Variants in MICAL3 observed in about 807,000 individuals in gnomAD.
MICAL3 encodes the protein [F-actin]-monooxygenase MICAL3.
MICAL3 carries 62 observed loss-of-function variants against 207.4 expected under a neutral mutation model. That is an observed-to-expected ratio of 0.30 (90% CI 0.24 to 0.37). MICAL3 has a LOEUF of 0.37. Ranked by LOEUF, MICAL3 falls within the 10% of genes least tolerant of loss-of-function variation. The pLI is 1.00. For missense variants in MICAL3, 2,368 were observed against 2,635.6 expected (o/e 0.90, Z 2.22); for synonymous variants, 1,077 against 1,069.3 (o/e 1.01, Z -0.14).
At chr22:17,982,479 T>A (rs1935958389) in intron 1 of MICAL3, among the ~76,000 whole-genome samples, 1 of 152,180 alleles carries the variant, frequency 6.6e-6, no homozygotes, top group South Asian at 2.1e-4. Flanking sequence ...AAGACCAGCC[T>A]GGCCAAGATG....
At chr22:17,835,208 C>T (rs1217603140) in intron 20 of MICAL3, among the ~76,000 whole-genome samples, 1 of 151,256 alleles carries the variant, frequency 6.6e-6, no homozygotes, top group East Asian at 1.9e-4. Context: ...CAGAAAGCAA[C>T]CCTCACCTCC....
intron 19 of MICAL3, among the ~76,000 whole-genome samples, chr22:17,857,311 C>T (rs1926037194): frequency 6.6e-6 from 1 of 152,106 alleles, no homozygotes; most frequent in Admixed American, 6.5e-5. Flanking sequence ...GGAGCGGGAA[C>T]CTATTGTGAA....
chr22:17,917,834 C>G (rs1355806970), intron 1 of MICAL3, among the ~76,000 whole-genome samples: 1 of 152,220 alleles, frequency 6.6e-6, no homozygotes, highest in East Asian at 1.9e-4. Context: ...CCCGCCCCTG[C>G]CCCGTCACTC....
In MICAL3 at chr22:17,864,952, G is replaced by A. The variant is rs376957421; in HGVS notation, c.2552C>T (p.Thr851Ile). 94 of 1,612,176 alleles carry A rather than the reference G, an allele frequency of 5.8e-5. No homozygotes were observed. The highest frequency in any genetic ancestry group is 1.8e-5 in the Non-Finnish European group (21 of 1,178,432). The change falls in exon 19 of 32, where the codon ACA (threonine) becomes ATA (isoleucine). Residue 851 changes from threonine to isoleucine, a missense_variant. Coordinates refer to ENST00000441493, the MANE Select transcript of MICAL3 (RefSeq NM_015241.3). ...GGCGTTGGCCCGTCCGTTTGCATCT[G>A]TGGTGGCGCCATCCTGCAGGGGTCC... ...AKGPLQDGAT[T>I]DANGRANAVA...
intron 28 of MICAL3, among the ~76,000 whole-genome samples, chr22:17,809,167 G>A (rs1178883675): frequency 3.3e-5 from 5 of 152,260 alleles, no homozygotes; most frequent in African/African-American, 4.8e-5. Flanking sequence ...GCGCGTGGAC[G>A]TGACTCAAGT....
chr22:17,877,985 G>A (rs572326618), intron 16 of MICAL3, among the ~76,000 whole-genome samples: 58 of 152,122 alleles, frequency 3.8e-4, no homozygotes, highest in Middle Eastern at 3.4e-3. Context: ...CCCCAGTGGC[G>A]GAGACTACAG....
Position 17,872,000 on chromosome 22 carries a change from C to T in MICAL3, c.2265G>A (p.Pro755=), listed in dbSNP as rs9617630. The T allele has an allele frequency of 0.11, 171,419 of 1,606,312 alleles. 11,137 individuals carry two copies. The highest frequency in any genetic ancestry group is 0.27 in the Admixed American group (15,655 of 58,828). The change falls in exon 17 of 32, where the codon CCG becomes CCA. Residue 755 remains proline (P), a synonymous_variant. Transcript: ENST00000441493. The part of the protein sequence containing the change: ...RRQGSMKKEF[P]QNLGGSDTCY... ...ATGTGTCGCTGCCTCCCAGGTTCTG[C>T]GGGAACTCCTTCTTCATGGAGCCCT...
chr22:18,015,277 T>C (rs1923981533), intron 1 of MICAL3, among the ~76,000 whole-genome samples: 1 of 152,170 alleles, frequency 6.6e-6, no homozygotes, highest in Non-Finnish European at 1.5e-5. Flanking sequence ...TTCTACTTTG[T>C]AATATATCAT....
intron 19 of MICAL3, among the ~76,000 whole-genome samples, chr22:17,848,350 G>A (rs927540788): frequency 6.6e-6 from 1 of 152,178 alleles, no homozygotes; most frequent in African/African-American, 2.4e-5. Flanking sequence ...TCTCCCACAC[G>A]TCCTCACATA....
chr22:17,842,762 G>A (rs566846453), intron 19 of MICAL3, among the ~76,000 whole-genome samples: 1 of 152,366 alleles, frequency 6.6e-6, no homozygotes, highest in East Asian at 1.9e-4. Flanking sequence ...TGTGGTTTCA[G>A]CATCGTCGGC....
intron 1 of MICAL3, among the ~76,000 whole-genome samples, chr22:17,917,487 T>TCATCC (rs748212612): frequency 7.0e-4 from 106 of 152,302 alleles, no homozygotes; most frequent in Middle Eastern, 6.8e-3. Context: ...GTCTTCTCTA[T>TCATCC]CATCCTCATT....
intron 1 of MICAL3, among the ~76,000 whole-genome samples, chr22:17,984,982 C>G (rs1307273186): frequency 2.0e-5 from 3 of 151,948 alleles, no homozygotes; most frequent in African/African-American, 7.3e-5. Context: ...GGTGAGTGCC[C>G]CGGAAAAATG....
intron 17 of MICAL3, 113 bp downstream of exon 17, chr22:17,871,724 T>C (rs1353946171): frequency 2.1e-6 from 2 of 930,908 alleles, no homozygotes; most frequent in East Asian, 2.7e-5. Flanking sequence ...AGAGGCATGA[T>C]GGAAAAGACG....
chr22:17,885,953 C>T lies in MICAL3; in HGVS notation c.2166G>A (p.Val722=). 6.2e-7 allele frequency: 1 copy of T among 1,614,042 alleles called. No homozygotes were observed. The highest frequency in any genetic ancestry group is 8.5e-7 in the Non-Finnish European group (1 of 1,179,904). ...MDVAVGNQNK[V]KYMATQLLAK... is the part of the protein sequence containing the mutation. ...CCAGCAGCTGGGTCGCCATGTACTT[C>T]ACTTTGTTCTGGTTCCCAACGGCAA... Residue 722 remains valine, a synonymous_variant, in exon 16 of 32, where the codon GTG becomes GTA. Coordinates refer to ENST00000441493, the MANE Select transcript of MICAL3 (RefSeq NM_015241.3).
chr22:17,848,774 C>A (rs1307658079), intron 19 of MICAL3, among the ~76,000 whole-genome samples: 1 of 152,192 alleles, frequency 6.6e-6, no homozygotes. Context: ...TATTAAAGGG[C>A]CCTACAGTGT....
At chr22:17,850,212 C>A (rs1366887705) in intron 19 of MICAL3, among the ~76,000 whole-genome samples, 1 of 151,952 alleles carries the variant, frequency 6.6e-6, no homozygotes, top group African/African-American at 2.4e-5. Flanking sequence ...AGGGAACAAA[C>A]CAGTTCTGTA....
chr22:18,021,425 A>G (rs67016185), intron 1 of MICAL3, among the ~76,000 whole-genome samples: 31,814 of 152,156 alleles, frequency 0.21, 3,892 homozygotes, highest in East Asian at 0.38. Flanking sequence ...CAGCCAAGAG[A>G]GTGAAGCATG....
chr22:18,001,147 T>C (rs1280974211), intron 1 of MICAL3: 1 of 152,032 alleles, frequency 6.6e-6, no homozygotes, highest in Non-Finnish European at 1.5e-5. Context: ...GGGGGCTTCC[T>C]CGCGCCCCGC....
At chr22:17,928,368 G>C (rs1371270240) in intron 1 of MICAL3, among the ~76,000 whole-genome samples, 1 of 152,026 alleles carries the variant, frequency 6.6e-6, no homozygotes, top group East Asian at 1.9e-4. Flanking sequence ...GAACCCGGGA[G>C]GCGGAGCTTG....
Sources: allele counts gnomAD v4.1 joint callset (sites outside exome capture counted in the v4.1 genomes callset), GRCh38; gene constraint gnomAD v4.1.1; transcripts MANE v1.5; gene names NCBI Gene and HGNC (gene_info 2026-07-23, HGNC 2026-07-21).